Variants in DPYD observed in about 807,000 individuals in gnomAD.
DPYD encodes dihydropyrimidine dehydrogenase.
DPYD carries 109 observed loss-of-function variants against 116.2 expected under a neutral mutation model. That is an observed-to-expected ratio of 0.94 (90% CI 0.80 to 1.10). The LOEUF (loss-of-function observed/expected upper bound fraction) is 1.10. DPYD is among the 50% of genes least tolerant of loss of function. The probability of loss-of-function intolerance (pLI) is 0.00; values close to 1 mark genes in which losing one functional copy is unlikely to be tolerated. For missense variants in DPYD, 1,302 were observed against 1,254.5 expected, an observed-to-expected ratio of 1.04 and a Z score of -0.57; for synonymous variants, 440 against 432.0, an observed-to-expected ratio of 1.02 and a Z score of -0.23.
chr1:97,550,187 T>A (rs1441706483), intron 11 of DPYD, among the ~76,000 whole-genome samples: 1 of 152,148 alleles, frequency 6.6e-6, no homozygotes, highest in Non-Finnish European at 1.5e-5. Flanking sequence ...CAATGGCTAA[T>A]CTCCCTTTTA....
chr1:97,701,639 T>A (rs1309643754), intron 5 of DPYD, among the ~76,000 whole-genome samples: 1 of 151,846 alleles, frequency 6.6e-6, no homozygotes, highest in Non-Finnish European at 1.5e-5. Context: ...ATCCCACATA[T>A]ACCACAAACT....
intron 1 of DPYD, among the ~76,000 whole-genome samples, chr1:97,892,087 AAATAAT>A (rs909433409): frequency 6.6e-6 from 1 of 151,706 alleles, no homozygotes; most frequent in South Asian, 2.1e-4. Context: ...TCAAGTAAAC[AAATAAT>A]AATAATAATA....
chr1:97,116,919 T>A (rs6421757), intron 20 of DPYD, among the ~76,000 whole-genome samples: 2 of 150,422 alleles, frequency 1.3e-5, no homozygotes, highest in African/African-American at 4.9e-5. Flanking sequence ...GAGGCCGAGG[T>A]GGGTGGATCA....
At chr1:97,196,965 T>C (rs1367623995) in intron 19 of DPYD, among the ~76,000 whole-genome samples, 1 of 152,194 alleles carries the variant, frequency 6.6e-6, no homozygotes, top group Non-Finnish European at 1.5e-5. Context: ...GTCAATGTTT[T>C]CAATTTACCT....
intron 16 of DPYD, among the ~76,000 whole-genome samples, chr1:97,345,402 T>A (rs982275487): frequency 1.3e-5 from 2 of 151,950 alleles, no homozygotes; most frequent in African/African-American, 2.4e-5. Flanking sequence ...TGTATACCCT[T>A]AAATGTTCAT....
At position 97,506,480 on chromosome 1, in the gene DPYD, A is replaced by C. The variant is rs78534101; in HGVS notation, c.1740+9246T>G. Among the ~76,000 whole-genome samples, 916 of 152,092 alleles carry C rather than the reference A, an allele frequency of 6.0e-3. 31 individuals carry two copies. The South Asian group carries it at 0.067, about 11-fold the overall frequency. On this transcript the variant is annotated intron_variant, in intron 13 of 22. Transcript: ENST00000370192. ...CAAACAGCAGGACTGTACTTTAAGG[A>C]AATTTCCATTAACCATAATTATGAG...
chr1:97,288,980 T>C (rs995475540), intron 18 of DPYD, among the ~76,000 whole-genome samples: 10 of 151,994 alleles, frequency 6.6e-5, no homozygotes, highest in Non-Finnish European at 1.3e-4. Flanking sequence ...ATCAAATAGA[T>C]GCAATAAAAA....
intron 3 of DPYD, among the ~76,000 whole-genome samples, chr1:97,816,324 T>C (rs1211596951): frequency 6.6e-6 from 1 of 152,072 alleles, no homozygotes; most frequent in Non-Finnish European, 1.5e-5. Flanking sequence ...AAACCCTCTT[T>C]GTAGACTACA....
At chr1:97,625,770 G>C (rs1365530533) in intron 8 of DPYD, among the ~76,000 whole-genome samples, 2 of 151,886 alleles carry the variant, frequency 1.3e-5, no homozygotes, top group Non-Finnish European at 2.9e-5. Context: ...CCTGCCTCCA[G>C]AACTGTGAGA....
intron 2 of DPYD, among the ~76,000 whole-genome samples, chr1:97,871,024 T>C (rs180712467): frequency 8.0e-4 from 122 of 152,040 alleles, no homozygotes; most frequent in Non-Finnish European, 1.6e-3. Context: ...AAATATACCA[T>C]TAGACTCTAA....
chr1:97,434,844 A>C (rs1264772071), intron 14 of DPYD, among the ~76,000 whole-genome samples: 1 of 151,990 alleles, frequency 6.6e-6, no homozygotes, highest in Admixed American at 6.6e-5. Flanking sequence ...AAATTCTATC[A>C]CTTACTATTT....
At chr1:97,237,390 C>A (rs1285907942) in intron 18 of DPYD, among the ~76,000 whole-genome samples, 2 of 152,044 alleles carry the variant, frequency 1.3e-5, no homozygotes, top group Non-Finnish European at 2.9e-5. Context: ...TTGTGGCTCC[C>A]ACACCTCAAA....
intron 8 of DPYD, among the ~76,000 whole-genome samples, chr1:97,674,930 T>C (rs893068527): frequency 6.6e-6 from 1 of 152,164 alleles, no homozygotes; most frequent in Admixed American, 6.6e-5. Context: ...GAAAAAGGTG[T>C]TTAGTCCATC....
intron 13 of DPYD, among the ~76,000 whole-genome samples, chr1:97,461,141 C>T (rs1419746653): frequency 1.3e-5 from 2 of 152,116 alleles, no homozygotes; most frequent in East Asian, 3.9e-4. Context: ...CCTTTGTTTT[C>T]AGTTCAGTTC....
chr1:97,547,342 T>A (rs1321984794), intron 12 of DPYD, among the ~76,000 whole-genome samples: 1 of 152,152 alleles, frequency 6.6e-6, no homozygotes, highest in African/African-American at 2.4e-5. Context: ...ATCCACTCCC[T>A]GAGTGGATAG....
intron 5 of DPYD, among the ~76,000 whole-genome samples, chr1:97,708,158 A>C (rs1236122834): frequency 6.6e-6 from 1 of 152,002 alleles, no homozygotes; most frequent in Admixed American, 6.6e-5. Flanking sequence ...TATTTGATGA[A>C]GTCTATCTTA....
intron 8 of DPYD, among the ~76,000 whole-genome samples, chr1:97,667,988 T>C (rs1417969126): frequency 6.6e-6 from 1 of 152,112 alleles, no homozygotes; most frequent in African/African-American, 2.4e-5. Context: ...ATTCCACCCA[T>C]ACTAGGTACA....
At chr1:97,531,880 T>A (rs1027113344) in intron 12 of DPYD, among the ~76,000 whole-genome samples, 1 of 152,156 alleles carries the variant, frequency 6.6e-6, no homozygotes, top group African/African-American at 2.4e-5. Flanking sequence ...CTTTCTGGTC[T>A]TATTGTAAAT....
At chr1:97,801,642 A>C (rs981054422) in intron 3 of DPYD, among the ~76,000 whole-genome samples, 18 of 151,946 alleles carry the variant, frequency 1.2e-4, no homozygotes, top group Non-Finnish European at 2.5e-4. Flanking sequence ...ATTTGAGGAA[A>C]GAACTGAAGG....
Sources: gnomAD v4.1 joint callset for allele counts (sites outside exome capture counted in the v4.1 genomes callset) on GRCh38, gnomAD v4.1.1 for gene constraint, MANE v1.5 for transcripts, NCBI Gene and HGNC (gene_info 2026-07-23, HGNC 2026-07-21) for gene names.